Variants in TDP1 observed in about 807,000 individuals in gnomAD.
The protein encoded by TDP1 is tyr-DNA phosphodiesterase 1.
A neutral mutation model predicts 81.5 loss-of-function variants in TDP1; 64 were observed. The observed-to-expected ratio is 0.79, with a 90% CI of 0.64 to 0.97. The LOEUF (loss-of-function observed/expected upper bound fraction) is 0.97. Ranked by LOEUF, TDP1 falls within the 50% of genes least tolerant of loss-of-function variation. TDP1 has a pLI of 0.00. For missense variants in TDP1, 723 were observed against 743.8 expected, an observed-to-expected ratio of 0.97 and a Z score of 0.33; for synonymous variants, 256 against 264.3, an observed-to-expected ratio of 0.97 and a Z score of 0.30.
intron 2 of TDP1, chr14:89,957,071 G>A (rs545830275): frequency 2.1e-4 from 32 of 152,342 alleles, no homozygotes; most frequent in African/African-American, 7.7e-4. Context: ...TGCCGGCTGG[G>A]TTCCCTCTAC....
chr14:89,961,157 G>A (rs184866166), intron 2 of TDP1, among the ~76,000 whole-genome samples: 3 of 152,212 alleles, frequency 2.0e-5, no homozygotes, highest in African/African-American at 7.2e-5. Context: ...TGTGCATCTC[G>A]TGTTCACTTT....
At chr14:89,998,323 G>A (rs2140157352) in intron 14 of TDP1, among the ~76,000 whole-genome samples, 1 of 139,664 alleles carries the variant, frequency 7.2e-6, no homozygotes, top group Non-Finnish European at 1.5e-5. Flanking sequence ...AATTTTCAGA[G>A]CTAACATGTA....
At chr14:89,966,381 T>C (rs1468246368) in intron 4 of TDP1, among the ~76,000 whole-genome samples, 191 bp downstream of exon 4, 3 of 152,182 alleles carry the variant, frequency 2.0e-5, no homozygotes, top group Non-Finnish European at 4.4e-5. Context: ...AATGGGGATG[T>C]CACTATCAGG....
intron 16 of TDP1, among the ~76,000 whole-genome samples, chr14:90,040,323 C>CT (rs1184848309): frequency 1.3e-5 from 2 of 152,224 alleles, no homozygotes; most frequent in East Asian, 3.8e-4. Flanking sequence ...ATCCCAAACT[C>CT]TGACTACATC....
At chr14:89,998,416 A>ATG (rs1241564954) in intron 14 of TDP1, among the ~76,000 whole-genome samples, 33 of 85,766 alleles carry the variant, frequency 3.8e-4, no homozygotes, top group African/African-American at 1.3e-3. Flanking sequence ...ATATATATAT[A>ATG]TATATATGTA....
intron 14 of TDP1, among the ~76,000 whole-genome samples, chr14:90,010,053 C>T (rs1884517692): frequency 6.6e-6 from 1 of 152,186 alleles, no homozygotes; most frequent in Non-Finnish European, 1.5e-5. Flanking sequence ...TACCCTACAA[C>T]CTTGAAGTAG....
At chr14:90,004,644 G>T (rs1257217789) in intron 14 of TDP1, among the ~76,000 whole-genome samples, 1 of 152,178 alleles carries the variant, frequency 6.6e-6, no homozygotes, top group Non-Finnish European at 1.5e-5. Flanking sequence ...CTAAGTTTTA[G>T]TTATAGATGA....
intron 14 of TDP1, among the ~76,000 whole-genome samples, chr14:90,018,689 C>T (rs1418699232): frequency 6.6e-6 from 1 of 152,124 alleles, no homozygotes; most frequent in Non-Finnish European, 1.5e-5. Context: ...AAGTGGTCCG[C>T]CCGCCTCGGC....
intron 15 of TDP1, among the ~76,000 whole-genome samples, chr14:90,028,031 G>C (rs1157919659): frequency 1.3e-5 from 2 of 152,086 alleles, no homozygotes; most frequent in Non-Finnish European, 2.9e-5. Context: ...CTTTCCTTCT[G>C]AACTGCATTC....
chr14:89,959,461 C>G (rs1459195144), intron 2 of TDP1, among the ~76,000 whole-genome samples: 1 of 152,154 alleles, frequency 6.6e-6, no homozygotes, highest in East Asian at 1.9e-4. Flanking sequence ...TGGGCGGGAG[C>G]CTTGATGTCA....
chr14:89,988,108 A>G lies in TDP1; in HGVS notation c.1132-797A>G, dbSNP rs539396181. On this transcript the variant is annotated intron_variant, in intron 10 of 16. Transcript: ENST00000335725. ...TTTACTGCTTTATTATAAAGGATAC[A>G]GATGAAGAGATGCATAGAGCAAGGT... Among the ~76,000 whole-genome samples, 25 of 152,334 alleles carry G rather than the reference A, an allele frequency of 1.6e-4. No individual in the cohort carries two copies. In the South Asian group the frequency reaches 3.9e-3, roughly 24 times the overall value.
chr14:89,966,396 C>G (rs867730252), intron 4 of TDP1, among the ~76,000 whole-genome samples: 7 of 152,264 alleles, frequency 4.6e-5, no homozygotes, highest in Middle Eastern at 3.4e-3. Flanking sequence ...ATCAGGAGAG[C>G]ATTTGACTCA....
chr14:89,976,640 G>A (rs1894375324), intron 7 of TDP1, among the ~76,000 whole-genome samples: 1 of 142,990 alleles, frequency 7.0e-6, no homozygotes, highest in Non-Finnish European at 1.5e-5. Context: ...GGGTTCAAAC[G>A]ATTCTCCTGC....
intron 7 of TDP1, among the ~76,000 whole-genome samples, chr14:89,977,351 A>C (rs1219774668): frequency 6.6e-6 from 1 of 152,120 alleles, no homozygotes; most frequent in African/African-American, 2.4e-5. Context: ...AGGCTGGAGT[A>C]CAATGGCGCA....
intron 4 of TDP1, chr14:89,967,014 AG>A (rs1413443285): frequency 1.0e-6 from 1 of 984,576 alleles, no homozygotes; most frequent in Non-Finnish European, 1.2e-6. Context: ...ATAATCACCT[AG>A]GGGAAAAGGG....
intron 9 of TDP1, 130 bp downstream of exon 9, chr14:89,984,813 G>T: frequency 1.3e-6 from 2 of 1,581,020 alleles, no homozygotes; most frequent in Non-Finnish European, 1.7e-6. Context: ...TGTGATGAGG[G>T]GATGAGCAGA....
intron 14 of TDP1, among the ~76,000 whole-genome samples, chr14:90,017,191 C>T (rs542538001): frequency 1.9e-4 from 29 of 152,044 alleles, no homozygotes; most frequent in African/African-American, 7.0e-4. Context: ...AGTGCTTTTG[C>T]TGTACATGAC....
chr14:89,989,136 C>T (rs766993261), intron 11 of TDP1, 46 bp downstream of exon 11: 36 of 1,545,326 alleles, frequency 2.3e-5, no homozygotes, highest in Non-Finnish European at 3.2e-5. Context: ...ATTCTCTACA[C>T]AGGAGAAGAA....
chr14:90,029,835 A>G (rs975328890), intron 15 of TDP1, among the ~76,000 whole-genome samples: 2 of 152,160 alleles, frequency 1.3e-5, no homozygotes, highest in African/African-American at 4.8e-5. Flanking sequence ...TTGGGCAACT[A>G]TTTAACCTCC....
Sources: gnomAD v4.1 joint callset for allele counts (sites outside exome capture counted in the v4.1 genomes callset) on GRCh38, gnomAD v4.1.1 for gene constraint, MANE v1.5 for transcripts, NCBI Gene and HGNC (gene_info 2026-07-23, HGNC 2026-07-21) for gene names.